The following ZFP41 variants were observed in gnomAD, a reference collection of about 807,000 sequenced individuals.
The protein encoded by ZFP41 is zinc finger protein 41 homolog.
A neutral mutation model predicts 11.6 loss-of-function variants in ZFP41; 10 were observed. That is an observed-to-expected ratio of 0.86 (90% CI 0.53 to 1.47). The LOEUF is 1.47. Ranked by LOEUF, ZFP41 falls within the 40% of genes most tolerant of loss-of-function variation. The pLI is 0.00. For missense variants in ZFP41, 302 were observed against 264.6 expected (o/e 1.14, Z -0.98); for synonymous variants, 123 against 100.9 (o/e 1.22, Z -1.31).
chr8:143,252,473 G>A (rs1563727137), intron 2 of ZFP41, among the ~76,000 whole-genome samples: 1 of 152,264 alleles, frequency 6.6e-6, no homozygotes, highest in Non-Finnish European at 1.5e-5. Context: ...TGCCTGGGGG[G>A]GTTCTGCTCT....
At position 143,261,760 on chromosome 8, in the gene ZFP41, G is replaced by A. The variant is rs73378205; in HGVS notation, c.*2886G>A. On this transcript the variant is annotated 3_prime_UTR_variant, in exon 3 of 3. Coordinates refer to ENST00000330701, the MANE Select transcript of ZFP41 (RefSeq NM_173832.6). The stretch of plus-strand genomic sequence containing the variant: ...GCCTCTGAGCCGGCAGCCCCTACCC[G>A]CACCCGTGCACCTTCCACGCCCGTC... The A allele has an allele frequency of 0.023, 4,332 of 190,828 alleles. 264 individuals carry two copies. Among genetic ancestry groups the A allele is most frequent in the African/African-American group, 0.1 (4,119 of 40,358 alleles). 11.8% of individuals were successfully genotyped at this position (190,828 alleles called of 1,614,324 possible).
chr8:143,249,589 C>T (rs879847987), intron 1 of ZFP41, 101 bp from the exon 2 acceptor site: 4 of 459,824 alleles, frequency 8.7e-6, no homozygotes, highest in African/African-American at 1.9e-5. Flanking sequence ...GTTTGAGACA[C>T]TCTTGGGGGA....
rs776129806 is a variant in ZFP41 at position 143,249,995 on chromosome 8, G to A, written c.152G>A (p.Cys51Tyr). 2.3e-5 allele frequency: 37 copies of A among 1,614,044 alleles called. No homozygotes were observed. In the Admixed American group the frequency reaches 5.8e-4, roughly 25 times the overall value. ...TVPRKPRTEP[C>Y]LSPEDEEHVF... ...CCCAGGAAGCCCCGCACAGAGCCCT[G>A]CCTGAGTCCTGAAGACGAAGAGCAC... Residue 51 changes from cysteine to tyrosine, a missense_variant, in exon 2 of 3, where the codon TGC becomes TAC. Physicochemically the swap from Cys to Tyr is radical, Grantham distance 194. Coordinates refer to ENST00000330701, the MANE Select transcript of ZFP41 (RefSeq NM_173832.6).
At chr8:143,255,432 T>G (rs1415923514) in intron 2 of ZFP41, among the ~76,000 whole-genome samples, 1 of 151,614 alleles carries the variant, frequency 6.6e-6, no homozygotes, top group Non-Finnish European at 1.5e-5. Flanking sequence ...TCGCCCCGCG[T>G]GCTGGTGTTC....
chr8:143,250,605 C>T lies in ZFP41; in HGVS notation c.*165C>T, dbSNP rs999535744. The T allele has an allele frequency of 2.6e-6, 3 of 1,140,788 alleles. 1 individual carries two copies. The highest frequency in any genetic ancestry group is 2.5e-6 in the Non-Finnish European group (2 of 815,100). The allele number at this position is 1,140,788 out of a possible 1,614,324, so 70.7% of individuals were successfully genotyped here. A position where few individuals can be genotyped will look rare whatever the true frequency, so the allele number is the denominator to read the frequency against. On this transcript the variant is annotated 3_prime_UTR_variant, in exon 2 of 3. Transcript: ENST00000330701. ...CAGCCCAGTCAGATGTGGGAACGTG[C>T]CAGCGAGGGAGAGACCTTTCCACTG... is the stretch of plus-strand genomic sequence containing the variant.
In ZFP41 at chr8:143,249,671, T is replaced by C. The variant is rs1223137323; in HGVS notation, c.-154-19T>C. ...AGGCAAACCTTTAATCTGAGGTTCA[T>C]GTTCTTGCTTCTCCCCAGCACCAAG... is the stretch of plus-strand genomic sequence containing the variant. On this transcript the variant is annotated intron_variant, in intron 1 of 2. Coordinates refer to ENST00000330701, the MANE Select transcript of ZFP41 (RefSeq NM_173832.6). 6 of 1,082,782 alleles carry C rather than the reference T, an allele frequency of 5.5e-6. No individual in the cohort carries two copies. The highest frequency in any genetic ancestry group is 6.3e-6 in the Non-Finnish European group (5 of 790,520). 67.1% of individuals were successfully genotyped at this position (1,082,782 alleles called of 1,614,324 possible). A position where few individuals can be genotyped will look rare whatever the true frequency, so the allele number is the denominator to read the frequency against.
chr8:143,252,572 G>A lies in ZFP41; in HGVS notation c.*900+1232G>A, dbSNP rs551945325. ...GCCGTGGCGCCTGTGGCCTCCTGAT[G>A]GTCCTGCCGCCTCAGTCGCTGCTGG... On this transcript the variant is annotated intron_variant, in intron 2 of 2. Coordinates refer to ENST00000330701, the MANE Select transcript of ZFP41 (RefSeq NM_173832.6). 4.4e-5 allele frequency: 41 copies of A among 929,386 alleles called. No individual in the cohort carries two copies. The South Asian group carries it at 1.9e-3, about 43-fold the overall frequency. The allele number at this position is 929,386 out of a possible 1,614,324, so 57.6% of individuals were successfully genotyped here.
chr8:143,250,226 C>G lies in ZFP41; in HGVS notation c.383C>G (p.Ser128Cys). The G allele has an allele frequency of 1.9e-6, 3 of 1,614,078 alleles. No individual in the cohort carries two copies. Among genetic ancestry groups the G allele is most frequent in the Non-Finnish European group, 2.5e-6 (3 of 1,180,028 alleles). The stretch of plus-strand genomic sequence containing the variant: ...TGCGGGAAGGCCTTCCGGCACAGCT[C>G]TGACGTCACCAAACACCAGAGGACT... Reference protein sequence around the residue: ...AQCGKAFRHSSDVTKHQRTHT... With the variant: ...AQCGKAFRHSCDVTKHQRTHT... Residue 128 changes from serine (S) to cysteine (C), a missense_variant, in exon 2 of 3, where the codon TCT becomes TGT. Physicochemically the swap from Ser to Cys is moderately radical, Grantham distance 112. Coordinates refer to ENST00000330701, the MANE Select transcript of ZFP41 (RefSeq NM_173832.6).
chr8:143,254,308 C>G (rs1814854751), intron 2 of ZFP41, among the ~76,000 whole-genome samples: 2 of 152,224 alleles, frequency 1.3e-5, no homozygotes, highest in Non-Finnish European at 2.9e-5. Context: ...ACACAATGAA[C>G]TAACACAACT....
At chr8:143,247,357 A>C (rs1159791634) in intron 1 of ZFP41, 1 of 152,190 alleles carries the variant, frequency 6.6e-6, no homozygotes, top group Non-Finnish European at 1.5e-5. Flanking sequence ...CACGCACGGG[A>C]CCCTGGCGGG....
Position 143,258,906 on chromosome 8 carries a change from C to T in ZFP41, c.*901-869C>T, listed in dbSNP as rs149662477. Reference sequence around the variant, plus strand: ...GCATGGGACGGGCGGGGGTCCTCATCTCCTGCTGCGGCACCAGGCAGCAGC... The same window carrying T: ...GCATGGGACGGGCGGGGGTCCTCATTTCCTGCTGCGGCACCAGGCAGCAGC... On this transcript the variant is annotated intron_variant, in intron 2 of 2. Coordinates refer to ENST00000330701, the MANE Select transcript of ZFP41 (RefSeq NM_173832.6). Among the ~76,000 whole-genome samples the T allele has an allele frequency of 6.8e-4, 103 of 152,328 alleles. 1 individual carries two copies. The highest frequency in any genetic ancestry group is 2.1e-3 in the African/African-American group (89 of 41,584).
rs888811287 is a variant in ZFP41 at position 143,250,070 on chromosome 8, C to T, written c.227C>T (p.Pro76Leu). The T allele has an allele frequency of 6.2e-7, 1 of 1,614,162 alleles. No individual in the cohort carries two copies. Residue 76 changes from proline to leucine, a missense_variant, in exon 2 of 3, where the codon CCC becomes CTC. Transcript: ENST00000330701. Reference protein sequence around the residue: ...ASFKDDFEGVPVFIPFQRKKP... With the variant: ...ASFKDDFEGVLVFIPFQRKKP... Reference sequence around the variant, plus strand: ...TTTAAAGATGACTTTGAGGGGGTTCCCGTGTTCATTCCTTTTCAGAGGAAG... The same window carrying T: ...TTTAAAGATGACTTTGAGGGGGTTCTCGTGTTCATTCCTTTTCAGAGGAAG...
In ZFP41 at chr8:143,260,105, C is replaced by CTCTGAAATCGTGCAGGGAAGCACCT. The variant is rs1815005448; in HGVS notation, c.*1255_*1256insTTCTGAAATCGTGCAGGGAAGCACC. ...CTGTGAAGTCGTGCAGGGAAGCACC[C>CTCTGAAATCGTGCAGGGAAGCACCT]TCTGAAATCGTGCAGGGAAGCACCC... On this transcript the variant is annotated 3_prime_UTR_variant, in exon 3 of 3. Transcript: ENST00000330701. The CTCTGAAATCGTGCAGGGAAGCACCT allele has an allele frequency of 1.0e-5, 1 of 95,998 alleles. No individual in the cohort carries two copies. Among genetic ancestry groups the CTCTGAAATCGTGCAGGGAAGCACCT allele is most frequent in the Admixed American group, 1.0e-4 (1 of 9,750 alleles). 5.9% of individuals were successfully genotyped at this position (95,998 alleles called of 1,614,324 possible). A position where few individuals can be genotyped will look rare whatever the true frequency, so the allele number is the denominator to read the frequency against.
chr8:143,249,623 A>T (rs1469779873), intron 1 of ZFP41, 67 bp from the exon 2 acceptor site: 1 of 627,352 alleles, frequency 1.6e-6, no homozygotes, highest in Non-Finnish European at 2.5e-6. Flanking sequence ...GAGGGGCCGC[A>T]CCTGAATCCC....
At chr8:143,259,157 C>T (rs539396687) in intron 2 of ZFP41, among the ~76,000 whole-genome samples, 2 of 152,360 alleles carry the variant, frequency 1.3e-5, no homozygotes, top group South Asian at 4.1e-4. Context: ...GCTGTTGGCA[C>T]AGTGGCCACG....
intron 2 of ZFP41, among the ~76,000 whole-genome samples, chr8:143,255,939 G>A (rs1280192747): frequency 4.9e-5 from 4 of 81,888 alleles, no homozygotes; most frequent in Admixed American, 2.4e-4. Flanking sequence ...CTCGCCCCGC[G>A]TGCTGGTGTT....
chr8:143,248,041 A>ATC (rs1268723908), intron 1 of ZFP41: 1 of 152,030 alleles, frequency 6.6e-6, no homozygotes, highest in East Asian at 1.9e-4. Flanking sequence ...GATGGTCTCG[A>ATC]TCTCCTGACC....
chr8:143,253,285 G>A (rs1045634181), intron 2 of ZFP41: 8 of 152,270 alleles, frequency 5.3e-5, no homozygotes, highest in African/African-American at 1.4e-4. Flanking sequence ...TCATGCCAAC[G>A]GTGTGTGCAC....
chr8:143,256,238 G>A (rs113034357), intron 2 of ZFP41, among the ~76,000 whole-genome samples: 15 of 109,330 alleles, frequency 1.4e-4, no homozygotes, highest in African/African-American at 5.1e-4. Flanking sequence ...ATCAGGGCTC[G>A]CCCCGCGTGC....
Sources: gnomAD v4.1 joint callset for allele counts (sites outside exome capture counted in the v4.1 genomes callset) on GRCh38, gnomAD v4.1.1 for gene constraint, MANE v1.5 for transcripts, NCBI Gene and HGNC (gene_info 2026-07-23, HGNC 2026-07-21) for gene names.